NLGN1: variants seen among roughly 807,000 people sequenced by gnomAD.
NLGN1 encodes the protein neuroligin 1, also known as neuroligin-1.
In NLGN1, 12 loss-of-function variants were observed where a neutral mutation model predicts 65.5. The ratio of observed to expected loss-of-function variants is 0.18; its 90% confidence interval spans 0.12 to 0.30. NLGN1 has a LOEUF of 0.30. NLGN1 is among the 10% of genes least tolerant of loss of function. The probability of loss-of-function intolerance (pLI) is 1.00; values close to 1 mark genes in which losing one functional copy is unlikely to be tolerated. For synonymous variants in NLGN1, 350 were observed against 359.5 expected (o/e 0.97, Z 0.30); for missense variants, 750 against 1,007.1 (o/e 0.74, Z 3.46).
intron 2 of NLGN1, among the ~76,000 whole-genome samples, chr3:173,444,455 T>C (rs898563199): frequency 6.6e-6 from 1 of 152,208 alleles, no homozygotes; most frequent in East Asian, 1.9e-4. Context: ...TCTGCCATCT[T>C]TTCTCCCAGT....
At chr3:173,682,425 T>G (rs113882615) in intron 3 of NLGN1, among the ~76,000 whole-genome samples, 1 of 151,510 alleles carries the variant, frequency 6.6e-6, no homozygotes, top group Non-Finnish European at 1.5e-5. Context: ...CCATCTGTAC[T>G]AAAAATACAA....
intron 2 of NLGN1, among the ~76,000 whole-genome samples, chr3:173,532,606 A>G (rs903259599): frequency 2.6e-5 from 4 of 152,212 alleles, no homozygotes; most frequent in Non-Finnish European, 5.9e-5. Flanking sequence ...ATAATAAGCA[A>G]AGTCCGATAG....
At chr3:173,919,226 C>T (rs1279772778) in intron 4 of NLGN1, among the ~76,000 whole-genome samples, 1 of 152,114 alleles carries the variant, frequency 6.6e-6, no homozygotes, top group East Asian at 1.9e-4. Flanking sequence ...AAGACTCAGA[C>T]ATCTTTGGGA....
At chr3:174,051,721 G>A (rs9854235) in intron 4 of NLGN1, among the ~76,000 whole-genome samples, 22,903 of 151,946 alleles carry the variant, frequency 0.15, 2,074 homozygotes, top group African/African-American at 0.26. Flanking sequence ...TTTCTTGAGA[G>A]CAAGTGACAT....
intron 4 of NLGN1, among the ~76,000 whole-genome samples, chr3:173,948,872 G>T (rs1260342179): frequency 6.6e-6 from 1 of 152,060 alleles, no homozygotes. Flanking sequence ...AACCCAGACA[G>T]ACTTTAGATA....
At chr3:174,170,245 T>C (rs1012845057) in intron 4 of NLGN1, among the ~76,000 whole-genome samples, 1 of 152,236 alleles carries the variant, frequency 6.6e-6, no homozygotes, top group Non-Finnish European at 1.5e-5. Flanking sequence ...TTTTAAGTTT[T>C]GTTCAATTAG....
At position 174,281,402 on chromosome 3, in the gene NLGN1, G is replaced by A. The variant is rs78647708; in HGVS notation, c.*99G>A. 1,983 of 750,326 alleles carry A rather than the reference G, an allele frequency of 2.6e-3. 46 individuals carry two copies. In the East Asian group the frequency reaches 0.042, roughly 16 times the overall value. 46.5% of individuals were successfully genotyped at this position (750,326 alleles called of 1,614,324 possible). On this transcript the variant is annotated 3_prime_UTR_variant, in exon 7 of 7. Coordinates refer to ENST00000457714, the Ensembl canonical transcript of NLGN1. ...CCTACAAGACTTACTATTTAAATAA[G>A]GAGGAATATTATGTGAATATACATA...
chr3:173,638,441 A>G (rs1336771812), intron 3 of NLGN1, among the ~76,000 whole-genome samples: 2 of 151,866 alleles, frequency 1.3e-5, no homozygotes, highest in African/African-American at 2.4e-5. Context: ...TAAAAGAGGT[A>G]TTTAAATTTT....
chr3:173,893,258 C>CA (rs1482880154), intron 4 of NLGN1, among the ~76,000 whole-genome samples: 2 of 152,154 alleles, frequency 1.3e-5, no homozygotes, highest in Non-Finnish European at 2.9e-5. Flanking sequence ...CATGGGAAGA[C>CA]AAAGAATTGT....
At chr3:173,592,565 C>T (rs572943281) in intron 2 of NLGN1, among the ~76,000 whole-genome samples, 1 of 152,110 alleles carries the variant, frequency 6.6e-6, no homozygotes, top group African/African-American at 2.4e-5. Context: ...TATGTTTCGT[C>T]CCCCCTGGCT....
chr3:173,423,866 T>C (rs1249660087), intron 1 of NLGN1, among the ~76,000 whole-genome samples: 1 of 152,174 alleles, frequency 6.6e-6, no homozygotes, highest in Non-Finnish European at 1.5e-5. Context: ...GGAGACTGTG[T>C]TGGGACTCCA....
intron 4 of NLGN1, among the ~76,000 whole-genome samples, chr3:173,832,804 C>T (rs1722873678): frequency 6.6e-6 from 1 of 152,080 alleles, no homozygotes; most frequent in African/African-American, 2.4e-5. Flanking sequence ...GCAATTTTCT[C>T]TTCAACCTAG....
intron 3 of NLGN1, among the ~76,000 whole-genome samples, chr3:173,734,165 C>T (rs185879355): frequency 2.6e-4 from 40 of 151,732 alleles, no homozygotes; most frequent in Admixed American, 2.6e-3. Context: ...TAGGAAATTC[C>T]TTTATTGGTT....
At chr3:174,066,677 A>G (rs564114140) in intron 4 of NLGN1, among the ~76,000 whole-genome samples, 5 of 152,030 alleles carry the variant, frequency 3.3e-5, no homozygotes, top group Admixed American at 2.0e-4. Flanking sequence ...TATGTATTAC[A>G]TGATCTAAAG....
At chr3:173,481,609 T>C (rs1480774621) in intron 2 of NLGN1, among the ~76,000 whole-genome samples, 4 of 151,824 alleles carry the variant, frequency 2.6e-5, no homozygotes, top group Non-Finnish European at 5.9e-5. Context: ...AAGTCTCCTA[T>C]TTTGTTTACT....
chr3:173,863,155 C>T (rs1286836581), intron 4 of NLGN1, among the ~76,000 whole-genome samples: 2 of 151,392 alleles, frequency 1.3e-5, no homozygotes, highest in Non-Finnish European at 2.9e-5. Context: ...AAACTTTCTT[C>T]TATTTTATGT....
At chr3:174,180,740 T>C (rs1210404795) in intron 4 of NLGN1, 1 of 152,110 alleles carries the variant, frequency 6.6e-6, no homozygotes, top group Non-Finnish European at 1.5e-5. Flanking sequence ...CATGATCAAC[T>C]GAAATGCTTA....
chr3:173,545,065 T>TG (rs1307521903), intron 2 of NLGN1, among the ~76,000 whole-genome samples: 5 of 108,864 alleles, frequency 4.6e-5, no homozygotes, highest in African/African-American at 2.0e-4. Flanking sequence ...TGGTTGTTTT[T>TG]TTTGTTTGTT....
chr3:174,080,194 A>T (rs1481630083), intron 4 of NLGN1, among the ~76,000 whole-genome samples: 1 of 152,224 alleles, frequency 6.6e-6, no homozygotes. Context: ...AATGCGATGG[A>T]AATGCTCAAT....
Sources: gnomAD v4.1 joint callset for allele counts (sites outside exome capture counted in the v4.1 genomes callset) on GRCh38, gnomAD v4.1.1 for gene constraint, MANE v1.5 for transcripts, NCBI Gene and HGNC (gene_info 2026-07-23, HGNC 2026-07-21) for gene names.